The following DCUN1D3 variants were observed in gnomAD, a reference collection of about 807,000 sequenced individuals.
DCUN1D3 encodes the protein DCN1-like protein 3.
Under a neutral mutation model 24.8 loss-of-function variants are expected in DCUN1D3, and 6 were observed. The ratio of observed to expected loss-of-function variants is 0.24; its 90% CI spans 0.13 to 0.48. The LOEUF (loss-of-function observed/expected upper bound fraction) is 0.48. DCUN1D3 is among the 20% of genes least tolerant of loss of function. The pLI is 0.99. For synonymous variants in DCUN1D3, 120 were observed against 144.9 expected, an observed-to-expected ratio of 0.83 and a Z score of 1.24; for missense variants, 258 against 379.4, an observed-to-expected ratio of 0.68 and a Z score of 2.66.
intron 1 of DCUN1D3, among the ~76,000 whole-genome samples, chr16:20,888,852 C>T (rs1001293762): frequency 1.3e-5 from 2 of 152,090 alleles, no homozygotes; most frequent in African/African-American, 2.4e-5. Context: ...TTTGGGAGGC[C>T]GAGGCAGGTG....
rs2081717898 is a variant in DCUN1D3, at chr16:20,859,515, CG to C, written c.*370del. 3 of 180,092 alleles carry C rather than the reference CG, an allele frequency of 1.7e-5. No homozygotes were observed. The highest frequency in any genetic ancestry group is 5.9e-5 in the Admixed American group (1 of 16,894). The allele number at this position is 180,092 out of a possible 1,614,324, so 11.2% of individuals were successfully genotyped here. ...ATTCAACCTAACAGTCCCATCCCCC[CG>C]CCCTGCTCTATGCCCTCCCCTACCA... On this transcript the variant is annotated 3_prime_UTR_variant, in exon 3 of 3. Transcript: ENST00000324344.
intron 1 of DCUN1D3, among the ~76,000 whole-genome samples, chr16:20,888,483 G>C (rs1305976222): frequency 1.3e-5 from 2 of 152,120 alleles, no homozygotes; most frequent in African/African-American, 4.8e-5. Flanking sequence ...GTTTTGAGCA[G>C]GGTCTCACTT....
At chr16:20,886,139 T>C (rs985371593) in intron 1 of DCUN1D3, among the ~76,000 whole-genome samples, 2 of 152,220 alleles carry the variant, frequency 1.3e-5, no homozygotes, top group African/African-American at 4.8e-5. Flanking sequence ...GTGGGTATTT[T>C]TGTCACAAAT....
rs1299200520 is a variant in DCUN1D3 at position 20,860,365 on chromosome 16, C to T, written c.436G>A (p.Glu146Lys). Reference sequence around the variant, plus strand: ...ATTGCTTTGCAGCCATCAAAAAACTCCTTCCTGCAACAGAAAGGAAAAGGA... The same window carrying T: ...ATTGCTTTGCAGCCATCAAAAAACTTCTTCCTGCAACAGAAAGGAAAAGGA... ...AATMCKFTRK[E>K]FFDGCKAISA... Residue 146 changes from glutamate (E) to lysine (K), a missense_variant, in exon 3 of 3, where the codon GAG (glutamate) becomes AAG (lysine). Glu to Lys is a moderately conservative substitution (Grantham distance 56). Transcript: ENST00000324344. This position sits in a 1 kb window ranked among gnomAD's most constrained non-coding sequence, Gnocchi z 4.3. 6.2e-7 allele frequency: 1 copy of T among 1,609,366 alleles called. No homozygotes were observed. The highest frequency in any genetic ancestry group is 8.5e-7 in the Non-Finnish European group (1 of 1,177,204).
rs60180844 is a variant in DCUN1D3, at chr16:20,891,086, AG to A, written c.-106+9117del. On this transcript the variant is annotated intron_variant, in intron 1 of 2. Coordinates refer to ENST00000324344, the MANE Select transcript of DCUN1D3 (RefSeq NM_173475.4). ...TTGGCTCACTGCAATCTCTGCCACC[AG>A]GGTTCAAGCAATTCTCCTGCCTCAG... Among the ~76,000 whole-genome samples, 693 of 151,796 alleles carry A rather than the reference AG, an allele frequency of 4.6e-3. 6 individuals carry two copies. The highest frequency in any genetic ancestry group is 0.016 in the African/African-American group (641 of 41,352).
chr16:20,867,800 TC>T (rs1012877485), intron 1 of DCUN1D3, among the ~76,000 whole-genome samples: 10 of 152,310 alleles, frequency 6.6e-5, no homozygotes, highest in African/African-American at 2.4e-4. Flanking sequence ...GGCCAGGACT[TC>T]CTATCCCTGC....
intron 1 of DCUN1D3, among the ~76,000 whole-genome samples, chr16:20,897,572 C>T (rs1216409609): frequency 6.6e-6 from 1 of 152,156 alleles, no homozygotes. Context: ...AAACTTAGAT[C>T]CTGATGGTCA....
chr16:20,892,264 C>A (rs1471848139), intron 1 of DCUN1D3, among the ~76,000 whole-genome samples: 1 of 152,194 alleles, frequency 6.6e-6, no homozygotes, highest in African/African-American at 2.4e-5. Flanking sequence ...AAAGTAGACA[C>A]ACAGCATTCA....
At chr16:20,889,976 A>C (rs565538773) in intron 1 of DCUN1D3, among the ~76,000 whole-genome samples, 1 of 152,170 alleles carries the variant, frequency 6.6e-6, no homozygotes, top group East Asian at 1.9e-4. Context: ...CTCAATCAGA[A>C]CTCCGAAACA....
rs1423519832 is a variant in DCUN1D3, at chr16:20,862,392, T to G, written c.147A>C (p.Gly49=). Residue 49 remains glycine (G), a synonymous_variant, in exon 2 of 3, where the codon GGA becomes GGC. Coordinates refer to ENST00000324344, the MANE Select transcript of DCUN1D3 (RefSeq NM_173475.4). ...EQVPPCGKPG[G]DILVNGTKKA... is the part of the protein sequence containing the mutation. ...TCTTGGTCCCGTTGACGAGGATATC[T>G]CCACCTGGCTTGCCACAGGGTGGTA... The G allele has an allele frequency of 1.2e-5, 20 of 1,614,030 alleles. No homozygotes were observed. The highest frequency in any genetic ancestry group is 1.7e-5 in the Non-Finnish European group (20 of 1,180,026).
In DCUN1D3 at chr16:20,856,206, C is replaced by T. The variant is rs1901214324; in HGVS notation, c.*3680G>A. ...TTGTGGTTTTTGCCATACTTAATGG[C>T]AATACATTAAGTATGGCAAAAACTT... On this transcript the variant is annotated 3_prime_UTR_variant, in exon 3 of 3. Coordinates refer to ENST00000324344, the MANE Select transcript of DCUN1D3 (RefSeq NM_173475.4). 6.6e-6 allele frequency: 1 copy of T among 152,050 alleles called. No individual in the cohort carries two copies. The highest frequency in any genetic ancestry group is 1.5e-5 in the Non-Finnish European group (1 of 68,008). 9.4% of individuals were successfully genotyped at this position (152,050 alleles called of 1,614,324 possible).
At position 20,862,449 on chromosome 16, in the gene DCUN1D3, G is replaced by C; in HGVS notation, c.90C>G (p.Ser30Arg). 2 of 1,613,258 alleles carry C rather than the reference G, an allele frequency of 1.2e-6. No homozygotes were observed. The highest frequency in any genetic ancestry group is 1.7e-6 in the Non-Finnish European group (2 of 1,180,012). The change falls in exon 2 of 3, where the codon AGC (serine) becomes AGG (arginine). Residue 30 changes from serine (S) to arginine (R), a missense_variant. By Grantham distance (110) the Ser-to-Arg change is moderately radical. Coordinates refer to ENST00000324344, the MANE Select transcript of DCUN1D3 (RefSeq NM_173475.4). The stretch of plus-strand genomic sequence containing the variant: ...CCTCACGGTGGCCTGCACCCCTCCT[G>C]CTATGTGACTTGTTGCTGGGCTCAC... ...GDREPSNKSH[S>R]RRGAGHREEQ...
Position 20,862,498 on chromosome 16 carries a change from G to T in DCUN1D3, c.41C>A (p.Thr14Asn). 6.2e-7 allele frequency: 1 copy of T among 1,609,126 alleles called. No individual in the cohort carries two copies. The highest frequency in any genetic ancestry group is 1.3e-5 in the African/African-American group (1 of 75,046). ...CVTKCKNPSSTLGSKNGDREP... is the reference protein window; with the variant it reads ...CVTKCKNPSSNLGSKNGDREP... Reference sequence around the variant, plus strand: ...ACGGTCTCCATTTTTGCTGCCCAGGGTCGATGAGGGATTCTTACACTTGGT... The same window carrying T: ...ACGGTCTCCATTTTTGCTGCCCAGGTTCGATGAGGGATTCTTACACTTGGT... The change falls in exon 2 of 3, where the codon ACC (threonine) becomes AAC (asparagine). Residue 14 changes from threonine to asparagine, a missense_variant. Physicochemically the swap from Thr to Asn is moderately conservative, Grantham distance 65. Transcript: ENST00000324344.
chr16:20,873,631 C>A (rs1335194056), intron 1 of DCUN1D3, among the ~76,000 whole-genome samples: 1 of 152,226 alleles, frequency 6.6e-6, no homozygotes, highest in Non-Finnish European at 1.5e-5. Flanking sequence ...ACCAGCAGAT[C>A]CTTTTCCCTC....
chr16:20,895,379 T>C (rs1200844209), intron 1 of DCUN1D3, among the ~76,000 whole-genome samples: 21 of 152,130 alleles, frequency 1.4e-4, no homozygotes, highest in Admixed American at 1.4e-3. Flanking sequence ...GTATTTGTAG[T>C]AGCCTCCTAA....
At chr16:20,871,186 A>G (rs1240387399) in intron 1 of DCUN1D3, among the ~76,000 whole-genome samples, 1 of 152,240 alleles carries the variant, frequency 6.6e-6, no homozygotes, top group African/African-American at 2.4e-5. Flanking sequence ...TGGGAGGGAA[A>G]GTTGATCCCT....
In DCUN1D3 at chr16:20,859,595, A is replaced by C; in HGVS notation, c.*291T>G. ...CAAAAAAAAAACCTAAATTTGTGCA[A>C]GAAATGGCAGGCTTATTCTATCTGA... is the stretch of plus-strand genomic sequence containing the variant. On this transcript the variant is annotated 3_prime_UTR_variant, in exon 3 of 3. Coordinates refer to ENST00000324344, the MANE Select transcript of DCUN1D3 (RefSeq NM_173475.4). The C allele has an allele frequency of 3.5e-6, 1 of 289,380 alleles. No individual in the cohort carries two copies. The highest frequency in any genetic ancestry group is 6.3e-6 in the Non-Finnish European group (1 of 159,786). The allele number at this position is 289,380 out of a possible 1,614,324, so 17.9% of individuals were successfully genotyped here. A position where few individuals can be genotyped will look rare whatever the true frequency, so the allele number is the denominator to read the frequency against.
chr16:20,881,359 A>G (rs1281895100), intron 1 of DCUN1D3, among the ~76,000 whole-genome samples: 1 of 152,210 alleles, frequency 6.6e-6, no homozygotes. Flanking sequence ...ATGACCGATG[A>G]GTGTGCCACT....
intron 1 of DCUN1D3, among the ~76,000 whole-genome samples, chr16:20,889,094 G>A (rs2152518711): frequency 6.6e-6 from 1 of 152,268 alleles, no homozygotes; most frequent in South Asian, 2.1e-4. Flanking sequence ...CGGGCGTGGT[G>A]GCACATGCCT....
Sources: allele counts gnomAD v4.1 joint callset (sites outside exome capture counted in the v4.1 genomes callset), GRCh38; gene constraint gnomAD v4.1.1; non-coding constraint Gnocchi (gnomAD v3.1); transcripts MANE v1.5; gene names NCBI Gene and HGNC (gene_info 2026-07-23, HGNC 2026-07-21).